Variants in NLGN1 observed in about 807,000 individuals in gnomAD.
The protein encoded by NLGN1 is neuroligin-1.
A neutral mutation model predicts 65.5 loss-of-function variants in NLGN1; 12 were observed. That is an observed-to-expected ratio of 0.18 (90% CI 0.12 to 0.30). NLGN1 has a LOEUF of 0.30. NLGN1 is among the 10% of genes least tolerant of loss of function. The pLI, the probability that NLGN1 is intolerant of heterozygous loss-of-function variation, is 1.00. For synonymous variants in NLGN1, 350 were observed against 359.5 expected, an observed-to-expected ratio of 0.97 and a Z score of 0.30; for missense variants, 750 against 1,007.1, an observed-to-expected ratio of 0.74 and a Z score of 3.46.
At chr3:174,020,398 A>G (rs951276579) in intron 4 of NLGN1, among the ~76,000 whole-genome samples, 1 of 152,058 alleles carries the variant, frequency 6.6e-6, no homozygotes, top group Non-Finnish European at 1.5e-5. Context: ...GAAAATTTGT[A>G]TCAGCTTTTC....
chr3:174,047,805 T>TAA (rs373900247), intron 4 of NLGN1, among the ~76,000 whole-genome samples: 257 of 145,594 alleles, frequency 1.8e-3, no homozygotes, highest in African/African-American at 5.3e-3. Flanking sequence ...TTTGAGATAG[T>TAA]AAAAAAAAAA....
intron 3 of NLGN1, among the ~76,000 whole-genome samples, chr3:173,690,605 A>G (rs1204800941): frequency 1.3e-5 from 2 of 152,172 alleles, no homozygotes; most frequent in African/African-American, 4.8e-5. Flanking sequence ...GAATTATGTA[A>G]TGAAAGTCCA....
intron 4 of NLGN1, among the ~76,000 whole-genome samples, chr3:173,942,627 A>G (rs1746363220): frequency 6.6e-6 from 1 of 152,268 alleles, no homozygotes; most frequent in African/African-American, 2.4e-5. Context: ...TAAGACCAAA[A>G]TGCAACCAAA....
upstream of NLGN1, among the ~76,000 whole-genome samples, chr3:173,397,418 C>G (rs1170407446): frequency 6.6e-6 from 1 of 151,992 alleles, no homozygotes; most frequent in Non-Finnish European, 1.5e-5. Context: ...GGGAACTTCC[C>G]CTCATTTCTT....
intron 4 of NLGN1, among the ~76,000 whole-genome samples, chr3:174,047,105 T>C (rs2152497663): frequency 6.6e-6 from 1 of 152,128 alleles, no homozygotes. Context: ...TATATTTAAC[T>C]TAAGCACAAA....
intron 3 of NLGN1, among the ~76,000 whole-genome samples, chr3:173,651,873 A>G (rs995632120): frequency 7.2e-5 from 11 of 152,000 alleles, no homozygotes; most frequent in African/African-American, 2.7e-4. Flanking sequence ...GCTCACTGCA[A>G]CCTCCAACTC....
At position 174,033,140 on chromosome 3, in the gene NLGN1, A is replaced by ACCGCG. The variant is rs199999806; in HGVS notation, c.646+225311_646+225315dup. Among the ~76,000 whole-genome samples the ACCGCG allele has an allele frequency of 3.5e-3, 535 of 152,180 alleles. 8 individuals are homozygous for ACCGCG. Among genetic ancestry groups the ACCGCG allele is most frequent in the Admixed American group, 0.028 (435 of 15,270 alleles). On this transcript the variant is annotated intron_variant, in intron 4 of 6. Coordinates refer to ENST00000457714, the Ensembl canonical transcript of NLGN1. Reference sequence around the variant, plus strand: ...TACTTCTTCTCCCCCACACTGTACCACCGCGCCACGGGGCCCTAATAGAAC... The same window carrying ACCGCG: ...TACTTCTTCTCCCCCACACTGTACCACCGCGCCGCGCCACGGGGCCCTAATAGAAC...
chr3:174,047,485 A>G (rs911348516), intron 4 of NLGN1, among the ~76,000 whole-genome samples: 1 of 152,098 alleles, frequency 6.6e-6, no homozygotes, highest in Non-Finnish European at 1.5e-5. Context: ...CACCATATGC[A>G]CATACTATTG....
chr3:173,672,178 A>G (rs1340947722), intron 3 of NLGN1, among the ~76,000 whole-genome samples: 2 of 152,206 alleles, frequency 1.3e-5, no homozygotes, highest in Non-Finnish European at 2.9e-5. Context: ...CGTCTCAAAA[A>G]TAATTAGAAT....
At chr3:174,179,488 AT>A (rs368042247) in intron 4 of NLGN1, among the ~76,000 whole-genome samples, 12 of 151,886 alleles carry the variant, frequency 7.9e-5, no homozygotes, top group African/African-American at 2.9e-4. Flanking sequence ...TATCAAGCGG[AT>A]TTTTTTTGTC....
chr3:173,871,487 C>T (rs1049779664), intron 4 of NLGN1, among the ~76,000 whole-genome samples: 5 of 152,090 alleles, frequency 3.3e-5, no homozygotes, highest in African/African-American at 1.2e-4. Context: ...TTTCCTAGGG[C>T]TTGGCAAAAT....
At chr3:173,725,252 A>T (rs1019360764) in intron 3 of NLGN1, among the ~76,000 whole-genome samples, 1 of 152,200 alleles carries the variant, frequency 6.6e-6, no homozygotes, top group Non-Finnish European at 1.5e-5. Flanking sequence ...TGGAAAAAAT[A>T]TGTATTATTT....
intron 4 of NLGN1, among the ~76,000 whole-genome samples, chr3:174,021,867 G>A (rs914620756): frequency 3.3e-5 from 5 of 152,154 alleles, no homozygotes; most frequent in South Asian, 2.1e-4. Flanking sequence ...AGATGAAGGC[G>A]TTTCTGGAAA....
chr3:174,029,295 C>G (rs1015471327), intron 4 of NLGN1, among the ~76,000 whole-genome samples: 6 of 152,198 alleles, frequency 3.9e-5, no homozygotes, highest in Non-Finnish European at 7.3e-5. Flanking sequence ...AAGCCCATCT[C>G]TTGCATCAGT....
At chr3:174,242,372 G>C (rs1012493829) in intron 4 of NLGN1, among the ~76,000 whole-genome samples, 11 of 116,850 alleles carry the variant, frequency 9.4e-5, no homozygotes, top group Non-Finnish European at 1.4e-4. Context: ...CAGCCTGGGC[G>C]ACAGAGTGAG....
At chr3:173,924,006 G>C (rs1301807887) in intron 4 of NLGN1, among the ~76,000 whole-genome samples, 1 of 151,922 alleles carries the variant, frequency 6.6e-6, no homozygotes, top group Non-Finnish European at 1.5e-5. Flanking sequence ...ATAAAACTAA[G>C]CATAAAATCT....
chr3:174,117,286 T>A (rs956106243), intron 4 of NLGN1, among the ~76,000 whole-genome samples: 1 of 151,536 alleles, frequency 6.6e-6, no homozygotes, highest in Non-Finnish European at 1.5e-5. Flanking sequence ...TTTCTTGAGT[T>A]TATATATATA....
chr3:174,199,938 T>C (rs1577329236), intron 4 of NLGN1, among the ~76,000 whole-genome samples: 2 of 152,242 alleles, frequency 1.3e-5, no homozygotes, highest in South Asian at 2.1e-4. Context: ...CCCACAGTTA[T>C]AGCCAAGTTT....
intron 4 of NLGN1, among the ~76,000 whole-genome samples, chr3:173,821,905 C>T (rs191316136): frequency 2.0e-5 from 3 of 152,218 alleles, no homozygotes; most frequent in Admixed American, 6.5e-5. Flanking sequence ...TATACAATAA[C>T]ATTATGTTGA....
Sources: allele counts gnomAD v4.1 joint callset (sites outside exome capture counted in the v4.1 genomes callset), GRCh38; gene constraint gnomAD v4.1.1; transcripts MANE v1.5; gene names NCBI Gene and HGNC (gene_info 2026-07-23, HGNC 2026-07-21).